The following IL1RAPL1 variants were observed in gnomAD, a reference collection of about 807,000 sequenced individuals.
IL1RAPL1 encodes interleukin-1 receptor accessory protein-like 1.
Under a neutral mutation model 48.4 loss-of-function variants are expected in IL1RAPL1, and 3 were observed. The ratio of observed to expected loss-of-function variants is 0.06; its 90% CI spans 0.03 to 0.16. The LOEUF (loss-of-function observed/expected upper bound fraction) is 0.16. IL1RAPL1 is among the 10% of genes least tolerant of loss of function. IL1RAPL1 has a pLI of 1.00. For missense variants in IL1RAPL1, 349 were observed against 530.6 expected, an observed-to-expected ratio of 0.66 and a Z score of 3.36; for synonymous variants, 185 against 187.7, an observed-to-expected ratio of 0.99 and a Z score of 0.12.
At chrX:29,782,465 CTT>C (rs1361829127) in intron 6 of IL1RAPL1, among the ~76,000 whole-genome samples, 1 of 111,429 alleles carries the variant, frequency 9.0e-6, no homozygotes, top group Non-Finnish European at 1.9e-5. Flanking sequence ...TACACTTCCT[CTT>C]TTATACTTTG....
intron 1 of IL1RAPL1, among the ~76,000 whole-genome samples, chrX:28,664,909 A>G (rs1012737262): frequency 2.0e-5 from 2 of 101,360 alleles, no homozygotes; most frequent in African/African-American, 6.9e-5. Flanking sequence ...ACTACTTGCT[A>G]GACTCTAAAT....
At chrX:29,803,228 C>CGTATACATGTAT (rs1930096873) in intron 6 of IL1RAPL1, among the ~76,000 whole-genome samples, 1 of 30,924 alleles carries the variant, frequency 3.2e-5, no homozygotes, top group Admixed American at 2.8e-4. Context: ...TATACATATA[C>CGTATACATGTAT]ACACATGTAT....
intron 1 of IL1RAPL1, chrX:28,659,509 G>A (rs996487480): frequency 1.6e-4 from 75 of 469,565 alleles, no homozygotes; most frequent in Non-Finnish European, 1.9e-4. Flanking sequence ...TTCTCCTTCG[G>A]CTGGAGCTCG....
chrX:28,959,550 T>C lies in IL1RAPL1; in HGVS notation c.82+170125T>C, dbSNP rs140935848. On this transcript the variant is annotated intron_variant, in intron 2 of 10. Coordinates refer to ENST00000378993, the MANE Select transcript of IL1RAPL1 (RefSeq NM_014271.4). The stretch of plus-strand genomic sequence containing the variant: ...AATGTAATTATAATTCCAAATTATT[T>C]AGCAATTCATTTGAATTTTATCATA... Among the ~76,000 whole-genome samples, 952 of 112,066 alleles carry C rather than the reference T, an allele frequency of 8.5e-3. 12 individuals carry two copies. Among genetic ancestry groups the C allele is most frequent in the African/African-American group, 0.029 (908 of 30,930 alleles).
intron 3 of IL1RAPL1, among the ~76,000 whole-genome samples, chrX:29,303,124 A>G (rs1438512304): frequency 9.0e-6 from 1 of 111,593 alleles, no homozygotes; most frequent in Non-Finnish European, 1.9e-5. Context: ...GGGCCAGACA[A>G]AAGCCATCAG....
At chrX:29,783,891 C>G (rs1463593165) in intron 6 of IL1RAPL1, among the ~76,000 whole-genome samples, 1 of 111,980 alleles carries the variant, frequency 8.9e-6, no homozygotes, top group African/African-American at 3.2e-5. Flanking sequence ...CATGCAGATT[C>G]ATTTTTGCTT....
chrX:29,849,635 G>A (rs1931321988), intron 6 of IL1RAPL1, among the ~76,000 whole-genome samples: 1 of 111,115 alleles, frequency 9.0e-6, no homozygotes, highest in East Asian at 2.8e-4. Context: ...CTGAGCTATC[G>A]AAAGCTTTAG....
chrX:29,404,684 A>G (rs1934033107), intron 5 of IL1RAPL1, among the ~76,000 whole-genome samples: 1 of 111,847 alleles, frequency 8.9e-6, no homozygotes, highest in African/African-American at 3.2e-5. Context: ...GAGAAATAAA[A>G]TATTTTATTT....
chrX:29,546,252 C>G (rs1457540765), intron 5 of IL1RAPL1, among the ~76,000 whole-genome samples: 1 of 111,539 alleles, frequency 9.0e-6, no homozygotes, highest in Non-Finnish European at 1.9e-5. Flanking sequence ...TCTGATACAT[C>G]TTTTTTAGAA....
At chrX:28,686,551 A>G (rs910665896) in intron 1 of IL1RAPL1, among the ~76,000 whole-genome samples, 1 of 111,402 alleles carries the variant, frequency 9.0e-6, no homozygotes, top group Non-Finnish European at 1.9e-5. Flanking sequence ...ACACCCATAT[A>G]CTCTTTCACT....
chrX:29,334,855 C>T (rs1331620362), intron 3 of IL1RAPL1, among the ~76,000 whole-genome samples: 2 of 112,962 alleles, frequency 1.8e-5, no homozygotes, highest in Non-Finnish European at 3.7e-5. Flanking sequence ...AGAGACGCTC[C>T]TCACTTCCCA....
intron 6 of IL1RAPL1, among the ~76,000 whole-genome samples, chrX:29,741,648 C>T (rs771578151): frequency 3.7e-4 from 40 of 109,413 alleles, no homozygotes; most frequent in Middle Eastern, 4.6e-3. Flanking sequence ...TGGCTGGGTG[C>T]GGTGGCTCAC....
At chrX:29,638,294 G>A (rs1238079046) in intron 5 of IL1RAPL1, among the ~76,000 whole-genome samples, 1 of 91,745 alleles carries the variant, frequency 1.1e-5, no homozygotes, top group Admixed American at 1.2e-4. Context: ...TTTTTGAGAT[G>A]GAGTTTCACT....
intron 6 of IL1RAPL1, among the ~76,000 whole-genome samples, chrX:29,678,759 T>C (rs1926364129): frequency 9.0e-6 from 1 of 111,580 alleles, no homozygotes. Context: ...AATTGAATTA[T>C]GAAAGGAAAA....
chrX:28,655,911 A>T (rs1934742990), intron 1 of IL1RAPL1, among the ~76,000 whole-genome samples: 1 of 112,131 alleles, frequency 8.9e-6, no homozygotes, highest in Non-Finnish European at 1.9e-5. Context: ...AAAAGAAGAC[A>T]GGTGACCAAA....
chrX:28,640,913 A>G (rs747464628), intron 1 of IL1RAPL1, among the ~76,000 whole-genome samples: 1 of 110,683 alleles, frequency 9.0e-6, no homozygotes, highest in African/African-American at 3.3e-5. Context: ...TTAAAACAAC[A>G]ACAAACATTT....
intron 5 of IL1RAPL1, among the ~76,000 whole-genome samples, chrX:29,527,581 T>C (rs1935567931): frequency 9.1e-6 from 1 of 110,061 alleles, no homozygotes; most frequent in South Asian, 3.9e-4. Flanking sequence ...CGCCTCATCC[T>C]CCCAAAGTGC....
intron 2 of IL1RAPL1, among the ~76,000 whole-genome samples, chrX:28,866,719 T>C (rs1275677532): frequency 9.0e-6 from 1 of 111,437 alleles, no homozygotes; most frequent in Non-Finnish European, 1.9e-5. Context: ...ACCTCTATTT[T>C]ACATGGACAG....
At chrX:29,649,244 T>A (rs147858498) in intron 5 of IL1RAPL1, among the ~76,000 whole-genome samples, 3,410 of 111,854 alleles carry the variant, frequency 0.03, 63 homozygotes, top group Non-Finnish European at 0.049. Flanking sequence ...CCTAAATCAT[T>A]CTGTGAGGCC....
Sources: gnomAD v4.1 joint callset for allele counts (sites outside exome capture counted in the v4.1 genomes callset) on GRCh38, gnomAD v4.1.1 for gene constraint, MANE v1.5 for transcripts, NCBI Gene and HGNC (gene_info 2026-07-23, HGNC 2026-07-21) for gene names.